The following PPM1L variants were observed in gnomAD, a reference collection of about 807,000 sequenced individuals.
PPM1L encodes the protein protein phosphatase 1L.
In PPM1L, 13 loss-of-function variants were observed where a neutral mutation model predicts 31.4. That is an observed-to-expected ratio of 0.41 (90% CI 0.27 to 0.66). The LOEUF is 0.66. Ranked by LOEUF, PPM1L falls within the 30% of genes least tolerant of loss-of-function variation. The pLI, the probability that PPM1L is intolerant of heterozygous loss-of-function variation, is 0.29. For synonymous variants in PPM1L, 184 were observed against 175.4 expected (o/e 1.05, Z -0.39); for missense variants, 326 against 453.7 (o/e 0.72, Z 2.56).
At chr3:160,758,415 T>G (rs1714874818) in intron 1 of PPM1L, among the ~76,000 whole-genome samples, 2 of 152,040 alleles carry the variant, frequency 1.3e-5, no homozygotes, top group Non-Finnish European at 2.9e-5. Context: ...TTATATTTAT[T>G]ATATATTTTT....
Position 161,071,361 on chromosome 3 carries a change from A to G in PPM1L, c.*2204A>G, listed in dbSNP as rs531351365. 1.3e-5 allele frequency: 2 copies of G among 152,236 alleles called. No homozygotes were observed. The highest frequency in any genetic ancestry group is 2.9e-5 in the Non-Finnish European group (2 of 68,040). The allele number at this position is 152,236 out of a possible 1,614,324, so 9.4% of individuals were successfully genotyped here. A position where few individuals can be genotyped will look rare whatever the true frequency, so the allele number is the denominator to read the frequency against. On this transcript the variant is annotated 3_prime_UTR_variant, in exon 4 of 4. Coordinates refer to ENST00000498165, the MANE Select transcript of PPM1L (RefSeq NM_139245.4). ...ATTCCGGTTATTTTTATTGTCTAAA[A>G]TGAAAGCAACAGTGTTTTGATAAAG...
intron 2 of PPM1L, among the ~76,000 whole-genome samples, chr3:161,044,344 C>CTGTA (rs1319065167): frequency 2.6e-5 from 3 of 116,504 alleles, no homozygotes; most frequent in Middle Eastern, 4.4e-3. Context: ...CTGGCCTGCC[C>CTGTA]TGTATTTATT....
intron 1 of PPM1L, among the ~76,000 whole-genome samples, chr3:160,937,746 T>C (rs921574086): frequency 6.6e-6 from 1 of 152,184 alleles, no homozygotes; most frequent in Non-Finnish European, 1.5e-5. Flanking sequence ...TTGAAGTCCA[T>C]ATAGTCAAGG....
intron 1 of PPM1L, among the ~76,000 whole-genome samples, chr3:160,836,931 G>C (rs573707894): frequency 6.6e-6 from 1 of 152,220 alleles, no homozygotes; most frequent in South Asian, 2.1e-4. Flanking sequence ...TCCACTGGAG[G>C]AAAAAGGCAC....
At chr3:160,867,613 G>A (rs1712140845) in intron 1 of PPM1L, among the ~76,000 whole-genome samples, 1 of 151,898 alleles carries the variant, frequency 6.6e-6, no homozygotes, top group African/African-American at 2.4e-5. Context: ...AATCAATATT[G>A]CAAACAGACA....
chr3:160,944,741 T>A (rs1421471084), intron 1 of PPM1L, among the ~76,000 whole-genome samples: 5 of 97,646 alleles, frequency 5.1e-5, no homozygotes, highest in African/African-American at 1.3e-4. Flanking sequence ...ATGTTATATA[T>A]TATATAATAT....
chr3:160,862,616 G>C (rs1478385360), intron 1 of PPM1L, among the ~76,000 whole-genome samples: 1 of 150,148 alleles, frequency 6.7e-6, no homozygotes, highest in African/African-American at 2.4e-5. Flanking sequence ...TCTTACATAG[G>C]AGATGTACAG....
intron 1 of PPM1L, among the ~76,000 whole-genome samples, chr3:160,904,669 A>G (rs1201224337): frequency 6.6e-6 from 1 of 151,820 alleles, no homozygotes; most frequent in Non-Finnish European, 1.5e-5. Context: ...TAGATCTTCT[A>G]TCATGTTCAA....
At chr3:160,890,161 G>T (rs13090748) in intron 1 of PPM1L, among the ~76,000 whole-genome samples, 1 of 152,192 alleles carries the variant, frequency 6.6e-6, no homozygotes, top group Admixed American at 6.5e-5. Context: ...TCAGGCAAGA[G>T]AAAGAAGTAA....
In PPM1L at chr3:160,841,513, C is replaced by T. The variant is rs183115152; in HGVS notation, c.399+84806C>T. On this transcript the variant is annotated intron_variant, in intron 1 of 3. Transcript: ENST00000498165. ...GTATATTTTCAGTTTGTAATGACAA[C>T]ATTAGGAGGAAAATTGATTAGTACT... Among the ~76,000 whole-genome samples, 94 of 152,222 alleles carry T rather than the reference C, an allele frequency of 6.2e-4. 2 individuals are homozygous for T. Among genetic ancestry groups the T allele is most frequent in the Admixed American group, 5.4e-3 (83 of 15,274 alleles).
rs573472138 is a variant in PPM1L at position 160,928,927 on chromosome 3, G to A, written c.400-32809G>A. 2.4e-4 allele frequency among the ~76,000 whole-genome samples: 36 copies of A among 152,162 alleles called. 1 individual carries two copies. The highest frequency in any genetic ancestry group is 7.2e-4 in the Admixed American group (11 of 15,288). On this transcript the variant is annotated intron_variant, in intron 1 of 3. Transcript: ENST00000498165. ...GTATATTGTTATAGCAGCACAAATC[G>A]ATGAAGACAAGCAGATCTAAGGCAG... is the stretch of plus-strand genomic sequence containing the variant.
At chr3:161,056,562 G>C (rs1559939588) in intron 2 of PPM1L, among the ~76,000 whole-genome samples, 1 of 152,096 alleles carries the variant, frequency 6.6e-6, no homozygotes, top group Non-Finnish European at 1.5e-5. Flanking sequence ...CTATCACCAA[G>C]ATAGCCCTGT....
At chr3:160,805,972 A>C (rs1360278639) in intron 1 of PPM1L, among the ~76,000 whole-genome samples, 1 of 152,148 alleles carries the variant, frequency 6.6e-6, no homozygotes, top group Non-Finnish European at 1.5e-5. Context: ...GGCTGGAAAA[A>C]AGCAACAACA....
chr3:160,855,389 T>G (rs1472585046), intron 1 of PPM1L, among the ~76,000 whole-genome samples: 1 of 152,040 alleles, frequency 6.6e-6, no homozygotes, highest in African/African-American at 2.4e-5. Context: ...CCTAATTAAA[T>G]TAAAGAACTC....
Position 161,077,846 on chromosome 3 carries a change from AC to A in PPM1L, c.*8690del, listed in dbSNP as rs1720156483. 1.3e-5 allele frequency: 2 copies of A among 152,202 alleles called. No homozygotes were observed. The highest frequency in any genetic ancestry group is 2.4e-5 in the African/African-American group (1 of 41,454). The allele number at this position is 152,202 out of a possible 1,614,324, so 9.4% of individuals were successfully genotyped here. A position where few individuals can be genotyped will look rare whatever the true frequency, so the allele number is the denominator to read the frequency against. ...ATGGCAAAGAAAAACTAAATCCCAG[AC>A]TTTTATTTTTAACCACAGAAACCAT... is the stretch of plus-strand genomic sequence containing the variant. On this transcript the variant is annotated 3_prime_UTR_variant, in exon 4 of 4. Coordinates refer to ENST00000498165, the MANE Select transcript of PPM1L (RefSeq NM_139245.4).
At chr3:160,761,837 A>G (rs982284214) in intron 1 of PPM1L, among the ~76,000 whole-genome samples, 1 of 152,122 alleles carries the variant, frequency 6.6e-6, no homozygotes, top group African/African-American at 2.4e-5. Context: ...GGAGAAGAAG[A>G]GAGCTTGTGG....
chr3:160,962,140 T>C (rs1421856099), intron 2 of PPM1L, among the ~76,000 whole-genome samples: 1 of 152,140 alleles, frequency 6.6e-6, no homozygotes, highest in East Asian at 1.9e-4. Context: ...TATTGGGATT[T>C]TTTTGGCCTT....
At chr3:160,990,660 G>C (rs1717104510) in intron 2 of PPM1L, among the ~76,000 whole-genome samples, 1 of 152,126 alleles carries the variant, frequency 6.6e-6, no homozygotes, top group African/African-American at 2.4e-5. Context: ...ACAAAACAAA[G>C]TGAAAGGTCC....
intron 1 of PPM1L, among the ~76,000 whole-genome samples, chr3:160,882,741 C>T (rs2108039028): frequency 6.6e-6 from 1 of 152,266 alleles, no homozygotes; most frequent in East Asian, 1.9e-4. Flanking sequence ...ACCGTTGTTC[C>T]CAGGTCACCC....
Sources: gnomAD v4.1 joint callset for allele counts (sites outside exome capture counted in the v4.1 genomes callset) on GRCh38, gnomAD v4.1.1 for gene constraint, MANE v1.5 for transcripts, NCBI Gene and HGNC (gene_info 2026-07-23, HGNC 2026-07-21) for gene names.